Variants in GFRA2 observed in about 807,000 individuals in gnomAD.
The protein encoded by GFRA2 is GDNF family receptor alpha 2.
In GFRA2, 17 loss-of-function variants were observed where a neutral mutation model predicts 48.3. The ratio of observed to expected loss-of-function variants is 0.35; its 90% CI spans 0.24 to 0.53. The LOEUF (loss-of-function observed/expected upper bound fraction) is 0.53, where lower values mean the gene tolerates loss of function less well. GFRA2 is among the 20% of genes least tolerant of loss of function. GFRA2 has a pLI of 0.93. For missense variants in GFRA2, 660 were observed against 637.3 expected, an observed-to-expected ratio of 1.04 and a Z score of -0.38; for synonymous variants, 305 against 257.2, an observed-to-expected ratio of 1.19 and a Z score of -1.78.
intron 2 of GFRA2, among the ~76,000 whole-genome samples, chr8:21,794,887 G>A (rs1807640482): frequency 6.6e-6 from 1 of 152,224 alleles, no homozygotes; most frequent in East Asian, 1.9e-4. Context: ...GGCAGGCTGG[G>A]TGGGACTGGG....
At chr8:21,714,724 G>A (rs1024974098) in intron 4 of GFRA2, among the ~76,000 whole-genome samples, 107 of 152,284 alleles carry the variant, frequency 7.0e-4, no homozygotes, top group African/African-American at 2.4e-3. Flanking sequence ...ATTTCACAAT[G>A]AGGACACAGA....
intron 4 of GFRA2, among the ~76,000 whole-genome samples, chr8:21,724,333 G>A (rs1449377661): frequency 6.6e-6 from 1 of 152,152 alleles, no homozygotes; most frequent in Non-Finnish European, 1.5e-5. Flanking sequence ...ATTGCTGGGG[G>A]GTTGGTGCGG....
rs77657942 is a variant in GFRA2 at position 21,750,923 on chromosome 8, C to G, written c.459G>C (p.Val153=). 14 of 1,612,658 alleles carry G rather than the reference C, an allele frequency of 8.7e-6. No individual in the cohort carries two copies. The South Asian group carries it at 1.5e-4, about 18-fold the overall frequency. ...GGCAATGGTTGCTCTTGGCGCTGACCACCGGGTCTGCCCCTGTCCCTGGAG... is the reference window on the plus strand; with the variant it reads ...GGCAATGGTTGCTCTTGGCGCTGACGACCGGGTCTGCCCCTGTCCCTGGAG... The part of the protein sequence containing the change: ...SIFSGTGADP[V]VSAKSNHCLD... The change falls in exon 4 of 9, where the codon GTG becomes GTC. Residue 153 remains valine, a synonymous_variant. Coordinates refer to ENST00000524240, the MANE Select transcript of GFRA2 (RefSeq NM_001495.5). The surrounding 1 kb of genome is among the most constrained non-coding windows in gnomAD (Gnocchi z 5.7).
chr8:21,699,674 C>G (rs1358530302), intron 7 of GFRA2, among the ~76,000 whole-genome samples: 2 of 152,214 alleles, frequency 1.3e-5, no homozygotes, highest in African/African-American at 4.8e-5. Context: ...ACACCTTCAA[C>G]AGAAAAGCAT....
At chr8:21,764,820 C>G (rs542848457) in intron 3 of GFRA2, among the ~76,000 whole-genome samples, 2 of 152,324 alleles carry the variant, frequency 1.3e-5, no homozygotes, top group East Asian at 3.9e-4. Flanking sequence ...CAAAGCCTTC[C>G]CTTGACCACT....
At chr8:21,766,864 C>G (rs1355892907) in intron 3 of GFRA2, among the ~76,000 whole-genome samples, 2 of 146,220 alleles carry the variant, frequency 1.4e-5, no homozygotes, top group Non-Finnish European at 3.0e-5. Context: ...CACCCTGTCC[C>G]ACACACACCC....
intron 4 of GFRA2, among the ~76,000 whole-genome samples, chr8:21,733,465 G>C (rs1804298257): frequency 6.6e-6 from 1 of 152,154 alleles, no homozygotes; most frequent in Non-Finnish European, 1.5e-5. Context: ...TCCCACCACG[G>C]AGGTGTCATC....
chr8:21,701,311 G>A (rs970952280), intron 7 of GFRA2, among the ~76,000 whole-genome samples: 27 of 152,180 alleles, frequency 1.8e-4, no homozygotes, highest in African/African-American at 4.8e-4. Flanking sequence ...GGAGAATGGC[G>A]TGAACCCAGG....
intron 4 of GFRA2, among the ~76,000 whole-genome samples, chr8:21,720,154 C>T (rs1311071519): frequency 1.7e-5 from 1 of 60,234 alleles, no homozygotes; most frequent in Non-Finnish European, 3.0e-5. Context: ...CATCAAATCA[C>T]ATTCCTGACA....
chr8:21,764,649 C>T (rs1043135596), intron 3 of GFRA2, among the ~76,000 whole-genome samples: 6 of 152,236 alleles, frequency 3.9e-5, no homozygotes, highest in East Asian at 1.9e-4. Flanking sequence ...TGCTGGTGCA[C>T]GCCACATGGA....
chr8:21,703,903 CA>C (rs573440519), intron 6 of GFRA2, among the ~76,000 whole-genome samples: 23 of 152,366 alleles, frequency 1.5e-4, no homozygotes, highest in Admixed American at 7.8e-4. Flanking sequence ...CGCTGCCTCA[CA>C]ACACAGGCAG....
Position 21,714,246 on chromosome 8 carries a change from CTTTTTTTT to C in GFRA2, c.795-8213_795-8206del, listed in dbSNP as rs10674628. Among the ~76,000 whole-genome samples, 3 of 78,400 alleles carry C rather than the reference CTTTTTTTT, an allele frequency of 3.8e-5. 1 individual carries two copies. The highest frequency in any genetic ancestry group is 1.6e-4 in the African/African-American group (3 of 19,292). 51.4% of individuals were successfully genotyped at this position (78,400 alleles called of 152,430 possible). On this transcript the variant is annotated intron_variant, in intron 4 of 8. Coordinates refer to ENST00000524240, the MANE Select transcript of GFRA2 (RefSeq NM_001495.5). ...GATCAATACATACTGGTCTGAAGTT[CTTTTTTTT>C]TTTTTTTTTTTTTTTGAGACAGGGT...
upstream of GFRA2, among the ~76,000 whole-genome samples, chr8:21,789,794 C>A (rs1465782942): frequency 6.6e-6 from 1 of 151,060 alleles, no homozygotes; most frequent in Non-Finnish European, 1.5e-5. Flanking sequence ...CTCCCCCCGG[C>A]TCGGGAAGAA....
Position 21,705,086 on chromosome 8 carries a change from G to GTGGGGC in GFRA2, c.938_943dup (p.Ser313_Pro314dup). 1 of 1,611,340 alleles carries GTGGGGC rather than the reference G, an allele frequency of 6.2e-7. No individual in the cohort carries two copies. Among genetic ancestry groups the GTGGGGC allele is most frequent in the East Asian group, 2.2e-5 (1 of 44,850 alleles). On this transcript the variant is annotated inframe_insertion, in exon 6 of 9. Transcript: ENST00000524240. ...GCACCAGGGGGACACCACGATGCCA[G>GTGGGGC]TGGGGCTGGAGTCCACATAGTTAGG...
intron 4 of GFRA2, among the ~76,000 whole-genome samples, chr8:21,707,117 G>A (rs944154809): frequency 1.1e-4 from 17 of 152,168 alleles, no homozygotes; most frequent in South Asian, 2.1e-4. Context: ...GTCTGTTCAC[G>A]GGCCTTTCCC....
chr8:21,752,745 G>A (rs1020693271), intron 3 of GFRA2, among the ~76,000 whole-genome samples: 2 of 152,062 alleles, frequency 1.3e-5, no homozygotes, highest in Admixed American at 1.3e-4. Context: ...CCCAAAACCT[G>A]GGGCTTCCCT....
intron 1 of GFRA2, among the ~76,000 whole-genome samples, chr8:21,784,588 C>T (rs1807177360): frequency 6.6e-6 from 1 of 152,144 alleles, no homozygotes; most frequent in South Asian, 2.1e-4. Flanking sequence ...AACAGGAATC[C>T]ATCCACTCCC....
Position 21,693,094 on chromosome 8 carries a change from G to T in GFRA2, c.*184C>A. 1 of 481,448 alleles carries T rather than the reference G, an allele frequency of 2.1e-6. No homozygotes were observed. The highest frequency in any genetic ancestry group is 3.5e-6 in the Non-Finnish European group (1 of 287,070). The allele number at this position is 481,448 out of a possible 1,614,324, so 29.8% of individuals were successfully genotyped here. On this transcript the variant is annotated 3_prime_UTR_variant, in exon 9 of 9. Coordinates refer to ENST00000524240, the MANE Select transcript of GFRA2 (RefSeq NM_001495.5). ...CAGCTCTCAGGCTGCCTGCCTGCTT[G>T]TCTGTTTGGTTTACAAAAACTTCTC...
At chr8:21,710,640 T>C (rs1173740104) in intron 4 of GFRA2, among the ~76,000 whole-genome samples, 1 of 152,174 alleles carries the variant, frequency 6.6e-6, no homozygotes, top group East Asian at 1.9e-4. Flanking sequence ...GGGTGACCAC[T>C]GACAAGAGCA....
Sources: gnomAD v4.1 joint callset for allele counts (sites outside exome capture counted in the v4.1 genomes callset) on GRCh38, gnomAD v4.1.1 for gene constraint, Gnocchi (gnomAD v3.1) non-coding constraint, MANE v1.5 for transcripts, NCBI Gene and HGNC (gene_info 2026-07-23, HGNC 2026-07-21) for gene names.